Variants in TESPA1 observed in about 807,000 individuals in gnomAD.
TESPA1 encodes the protein protein TESPA1.
TESPA1 carries 33 observed loss-of-function variants against 57.9 expected under a neutral mutation model. That is an observed-to-expected ratio of 0.57 (90% CI 0.43 to 0.76). TESPA1 has a LOEUF of 0.76. TESPA1 is among the 30% of genes least tolerant of loss of function. TESPA1 has a pLI of 0.00. For missense variants in TESPA1, 618 were observed against 632.9 expected, an observed-to-expected ratio of 0.98 and a Z score of 0.25; for synonymous variants, 227 against 228.9, an observed-to-expected ratio of 0.99 and a Z score of 0.07.
At chr12:54,953,851 G>A (rs570491087) in intron 10 of TESPA1, among the ~76,000 whole-genome samples, 3 of 152,056 alleles carry the variant, frequency 2.0e-5, no homozygotes, top group Admixed American at 6.5e-5. Flanking sequence ...AACACACATC[G>A]TTAAAAAAAG....
At chr12:54,952,007 G>C (rs1270018367) in intron 10 of TESPA1, among the ~76,000 whole-genome samples, 1 of 151,972 alleles carries the variant, frequency 6.6e-6, no homozygotes, top group East Asian at 1.9e-4. Flanking sequence ...GTTTGAGTTT[G>C]CCCTCCAAAA....
chr12:54,969,896 G>A (rs1041311743), intron 3 of TESPA1, among the ~76,000 whole-genome samples: 5 of 152,128 alleles, frequency 3.3e-5, no homozygotes, highest in African/African-American at 1.2e-4. Context: ...TATTCCCTTT[G>A]TGAAAATTCA....
rs201481040 is a variant in TESPA1, at chr12:54,974,470, C to A, written c.93G>T (p.Glu31Asp). 6.2e-7 allele frequency: 1 copy of A among 1,607,596 alleles called. No individual in the cohort carries two copies. The highest frequency in any genetic ancestry group is 1.1e-5 in the South Asian group (1 of 89,468). Residue 31 changes from glutamate to aspartate, a missense_variant, in exon 2 of 11, where the codon GAG becomes GAT. Around this residue, in one of 3 missense-constraint regions of TESPA1, gnomAD observed 199 missense variants for 184.0 expected, o/e 1.08. Transcript: ENST00000449076. ...SRNWQTQVLEEEAAAALQDVP... is the reference protein window; with the variant it reads ...SRNWQTQVLEDEAAAALQDVP... ...CATCCTGCAGGGCGGCGGCAGCCTC[C>A]TCTTCTAGGACCTGGGTCTGCCAGT...
chr12:54,968,123 T>C, intron 3 of TESPA1: 2 of 1,033,524 alleles, frequency 1.9e-6, no homozygotes, highest in Non-Finnish European at 2.8e-6. Context: ...TGTGCTTCTG[T>C]TGTCCTGGCC....
rs1322159001 is a variant in TESPA1 at position 54,948,982 on chromosome 12, A to G, written c.*1410T>C. ...CTTCCCAGTTTTACAACTCAGGAAT[A>G]TCTTTCTCTAGGACCTGAGAACCAC... On this transcript the variant is annotated 3_prime_UTR_variant, in exon 11 of 11. Coordinates refer to ENST00000449076, the MANE Select transcript of TESPA1 (RefSeq NM_001136030.3). The G allele has an allele frequency of 3.3e-5, 5 of 152,204 alleles. No homozygotes were observed. Among genetic ancestry groups the G allele is most frequent in the Non-Finnish European group, 5.9e-5 (4 of 68,044 alleles). 9.4% of individuals were successfully genotyped at this position (152,204 alleles called of 1,614,324 possible). A position where few individuals can be genotyped will look rare whatever the true frequency, so the allele number is the denominator to read the frequency against.
At chr12:54,958,392 G>A (rs1950864908) in intron 10 of TESPA1, among the ~76,000 whole-genome samples, 1 of 152,032 alleles carries the variant, frequency 6.6e-6, no homozygotes, top group Non-Finnish European at 1.5e-5. Context: ...TTTTTTTATA[G>A]GTAAGGTGTT....
upstream of TESPA1, among the ~76,000 whole-genome samples, chr12:54,984,898 A>G (rs1301359973): frequency 6.6e-6 from 1 of 152,182 alleles, no homozygotes; most frequent in East Asian, 1.9e-4. Context: ...AACTAGGAAG[A>G]CCTTCCTGCC....
At chr12:54,981,583 A>C (rs1334659701) in intron 1 of TESPA1, among the ~76,000 whole-genome samples, 1 of 152,148 alleles carries the variant, frequency 6.6e-6, no homozygotes, top group Non-Finnish European at 1.5e-5. Flanking sequence ...ATTAAAAAAA[A>C]AAAGTCTTTC....
rs1206663609 is a variant in TESPA1, at chr12:54,961,150, TGA to T, written c.*1+16_*1+17del. The T allele has an allele frequency of 6.2e-7, 1 of 1,611,880 alleles. No homozygotes were observed. Among genetic ancestry groups the T allele is most frequent in the Non-Finnish European group, 8.5e-7 (1 of 1,178,404 alleles). ...TGTGCAGCCAGGTTTGAGAACTGCC[TGA>T]GAGAGGCCCACTTACTTCACGAGTC... is the stretch of plus-strand genomic sequence containing the variant. On this transcript the variant is annotated intron_variant, in intron 10 of 10. Coordinates refer to ENST00000449076, the MANE Select transcript of TESPA1 (RefSeq NM_001136030.3).
Position 54,949,235 on chromosome 12 carries a change from T to C in TESPA1, c.*1157A>G, listed in dbSNP as rs1262922928. 6.6e-6 allele frequency: 1 copy of C among 152,214 alleles called. No homozygotes were observed. The highest frequency in any genetic ancestry group is 2.4e-5 in the African/African-American group (1 of 41,456). 9.4% of individuals were successfully genotyped at this position (152,214 alleles called of 1,614,324 possible). ...CCTTTTGTCTCTGCCTCACTACGTA[T>C]CAGACTCAGTTTGTGCCTTCTCCCC... On this transcript the variant is annotated 3_prime_UTR_variant, in exon 11 of 11. Coordinates refer to ENST00000449076, the MANE Select transcript of TESPA1 (RefSeq NM_001136030.3).
chr12:54,978,028 T>C (rs1005663509), intron 1 of TESPA1, among the ~76,000 whole-genome samples: 4 of 152,060 alleles, frequency 2.6e-5, no homozygotes, highest in Non-Finnish European at 5.9e-5. Flanking sequence ...TGTTTTTTTT[T>C]CTGTGGAAAT....
chr12:54,961,630 T>G (rs1052096722), intron 9 of TESPA1, among the ~76,000 whole-genome samples: 2 of 151,768 alleles, frequency 1.3e-5, no homozygotes, highest in African/African-American at 2.4e-5. Flanking sequence ...ACACGAAGAG[T>G]TGGTGGACTT....
intron 10 of TESPA1, among the ~76,000 whole-genome samples, chr12:54,959,366 A>G (rs1291998865): frequency 6.6e-6 from 1 of 152,202 alleles, no homozygotes; most frequent in African/African-American, 2.4e-5. Flanking sequence ...GACTTTGTTA[A>G]GAGGAATAGA....
chr12:54,957,010 A>C (rs986983029), intron 10 of TESPA1, among the ~76,000 whole-genome samples: 1 of 152,170 alleles, frequency 6.6e-6, no homozygotes. Context: ...TCAGCACTGC[A>C]TGGGGGGTTA....
intron 3 of TESPA1, among the ~76,000 whole-genome samples, chr12:54,969,310 CAT>C (rs980915342): frequency 4.6e-5 from 7 of 151,738 alleles, no homozygotes; most frequent in African/African-American, 1.7e-4. Flanking sequence ...ATACTACAAA[CAT>C]GTGTAACTGT....
intron 7 of TESPA1, among the ~76,000 whole-genome samples, chr12:54,964,491 A>C (rs1592360135): frequency 6.6e-6 from 1 of 152,362 alleles, no homozygotes; most frequent in Non-Finnish European, 1.5e-5. Flanking sequence ...TTTTCAGTAC[A>C]GAAGTCCTGT....
At chr12:54,984,349 G>A (rs1055993016) in intron 1 of TESPA1, among the ~76,000 whole-genome samples, 1 of 152,184 alleles carries the variant, frequency 6.6e-6, no homozygotes, top group African/African-American at 2.4e-5. Context: ...AATCTAGAAA[G>A]ATTACCTCTC....
At chr12:54,969,249 A>G (rs1053726846) in intron 3 of TESPA1, among the ~76,000 whole-genome samples, 12 of 151,628 alleles carry the variant, frequency 7.9e-5, no homozygotes, top group Non-Finnish European at 1.5e-4. Flanking sequence ...AGAACTATAA[A>G]TATATTTTTC....
intron 1 of TESPA1, among the ~76,000 whole-genome samples, chr12:54,980,147 AAAG>A (rs1295901885): frequency 6.6e-6 from 1 of 152,246 alleles, no homozygotes; most frequent in Non-Finnish European, 1.5e-5. Context: ...GATTAAAAAA[AAAG>A]GAGAAGTTAT....
Sources: allele counts gnomAD v4.1 joint callset (sites outside exome capture counted in the v4.1 genomes callset), GRCh38; gene constraint gnomAD v4.1.1; regional missense constraint gnomAD v4.1.1; transcripts MANE v1.5; gene names NCBI Gene and HGNC (gene_info 2026-07-23, HGNC 2026-07-21).